PLPPR1: variants seen among roughly 807,000 people sequenced by gnomAD.
The protein encoded by PLPPR1 is phospholipid phosphatase related 1.
A neutral mutation model predicts 33.1 loss-of-function variants in PLPPR1; 10 were observed. The observed-to-expected ratio is 0.30, with a 90% CI of 0.19 to 0.51. PLPPR1 has a LOEUF of 0.51. Ranked by LOEUF, PLPPR1 falls within the 20% of genes least tolerant of loss-of-function variation. The pLI is 0.97. For missense variants in PLPPR1, 304 were observed against 408.1 expected (o/e 0.74, Z 2.20); for synonymous variants, 151 against 151.0 (o/e 1.00, Z 0.00).
Position 101,309,326 on chromosome 9 carries a change from A to G in PLPPR1, c.501A>G (p.Ala167=). ...LTVCKPNYTS[A]DCQAHHQFIN... ...TGTGCAAGCCAAACTACACCAGTGC[A>G]GACTGCCAAGCGCACCACCAGTTTA... The change falls in exon 5 of 8, where the codon GCA becomes GCG. Residue 167 remains alanine (A), a synonymous_variant. Transcript: ENST00000374874. 1 of 1,614,194 alleles carries G rather than the reference A, an allele frequency of 6.2e-7. No homozygotes were observed. The highest frequency in any genetic ancestry group is 8.5e-7 in the Non-Finnish European group (1 of 1,180,036).
intron 1 of PLPPR1, among the ~76,000 whole-genome samples, chr9:101,114,435 G>A (rs1831095098): frequency 6.6e-6 from 1 of 152,178 alleles, no homozygotes. Context: ...AAATAGATAT[G>A]GCTGTGTGGA....
intron 1 of PLPPR1, chr9:101,125,837 A>T (rs949511665): frequency 5.0e-6 from 3 of 604,014 alleles, no homozygotes. Context: ...TTTGTTTTCC[A>T]CCAATGTAGT....
chr9:101,138,092 T>C (rs1012366991), intron 1 of PLPPR1, among the ~76,000 whole-genome samples: 59 of 152,218 alleles, frequency 3.9e-4, no homozygotes, highest in African/African-American at 1.4e-3. Context: ...CATCCAGTCA[T>C]TAAGACAGCT....
chr9:101,030,170 G>A (rs1244329920), intron 1 of PLPPR1, among the ~76,000 whole-genome samples: 1 of 151,900 alleles, frequency 6.6e-6, no homozygotes, highest in African/African-American at 2.4e-5. Flanking sequence ...TGCACCCGCT[G>A]CACCCGGGAA....
chr9:101,044,785 T>C (rs776330773), intron 1 of PLPPR1, among the ~76,000 whole-genome samples: 78 of 152,194 alleles, frequency 5.1e-4, no homozygotes, highest in Admixed American at 6.5e-4. Flanking sequence ...CAGATGTGTT[T>C]CTCTTTGATG....
At chr9:101,315,862 C>T (rs1220756493) in intron 6 of PLPPR1, among the ~76,000 whole-genome samples, 1 of 152,104 alleles carries the variant, frequency 6.6e-6, no homozygotes, top group African/African-American at 2.4e-5. Flanking sequence ...TGTAAATGTT[C>T]AATAGTGCTT....
At chr9:101,248,724 C>T (rs913892136) in intron 2 of PLPPR1, among the ~76,000 whole-genome samples, 1 of 152,040 alleles carries the variant, frequency 6.6e-6, no homozygotes, top group African/African-American at 2.4e-5. Context: ...CAGCTTAATA[C>T]CTGTTCTTAT....
At chr9:101,210,208 A>G (rs896174123) in intron 2 of PLPPR1, among the ~76,000 whole-genome samples, 1 of 152,256 alleles carries the variant, frequency 6.6e-6, no homozygotes, top group South Asian at 2.1e-4. Flanking sequence ...CTTCTGGCTT[A>G]GTGAGGTATG....
At chr9:101,068,458 A>G (rs1292544435) in intron 1 of PLPPR1, among the ~76,000 whole-genome samples, 2 of 152,036 alleles carry the variant, frequency 1.3e-5, no homozygotes, top group African/African-American at 2.4e-5. Context: ...GGATTTATGA[A>G]TACATTTTCA....
At chr9:101,050,227 T>C (rs927425275) in intron 1 of PLPPR1, among the ~76,000 whole-genome samples, 2 of 151,402 alleles carry the variant, frequency 1.3e-5, no homozygotes, top group African/African-American at 4.9e-5. Flanking sequence ...TTCCAGAAAA[T>C]TCCAAGATCT....
chr9:101,092,286 C>A (rs537859921), intron 1 of PLPPR1, among the ~76,000 whole-genome samples: 2 of 152,142 alleles, frequency 1.3e-5, no homozygotes, highest in African/African-American at 4.8e-5. Context: ...TATTTCAGAA[C>A]CTATTAATTT....
At chr9:101,265,170 C>T (rs1248695223) in intron 2 of PLPPR1, among the ~76,000 whole-genome samples, 4 of 152,222 alleles carry the variant, frequency 2.6e-5, no homozygotes, top group African/African-American at 9.6e-5. Context: ...TTGGTAGAAA[C>T]ACAGTGCTTT....
chr9:101,310,717 G>T (rs1828938611), intron 5 of PLPPR1, among the ~76,000 whole-genome samples: 1 of 152,092 alleles, frequency 6.6e-6, no homozygotes. Context: ...TGTGACTATG[G>T]GTCTGATCTA....
chr9:101,245,801 C>A (rs1827585283), intron 2 of PLPPR1, among the ~76,000 whole-genome samples: 1 of 151,458 alleles, frequency 6.6e-6, no homozygotes, highest in Non-Finnish European at 1.5e-5. Flanking sequence ...GTCCCATGAG[C>A]CAAAGAACTA....
At chr9:101,236,826 A>C (rs1827310374) in intron 2 of PLPPR1, among the ~76,000 whole-genome samples, 1 of 151,808 alleles carries the variant, frequency 6.6e-6, no homozygotes, top group Admixed American at 6.6e-5. Flanking sequence ...TAACAAAACC[A>C]AAAACAGACA....
intron 1 of PLPPR1, among the ~76,000 whole-genome samples, chr9:101,161,803 G>T: frequency 6.6e-6 from 1 of 152,056 alleles, no homozygotes; most frequent in Non-Finnish European, 1.5e-5. Context: ...CTAAGCATAG[G>T]TTGGGTACTT....
chr9:101,237,954 T>TACAC (rs1168931221), intron 2 of PLPPR1, among the ~76,000 whole-genome samples: 1 of 127,578 alleles, frequency 7.8e-6, no homozygotes, highest in Non-Finnish European at 1.6e-5. Flanking sequence ...TATATATATA[T>TACAC]ACACACACAC....
intron 1 of PLPPR1, among the ~76,000 whole-genome samples, chr9:101,100,784 C>T (rs750905885): frequency 6.7e-6 from 1 of 149,424 alleles, no homozygotes; most frequent in African/African-American, 2.5e-5. Context: ...AGGTATTTCC[C>T]CAGGTTCTTT....
At chr9:101,137,311 G>T (rs1181823670) in intron 1 of PLPPR1, among the ~76,000 whole-genome samples, 2 of 152,174 alleles carry the variant, frequency 1.3e-5, no homozygotes, top group African/African-American at 4.8e-5. Context: ...CACTATGCTG[G>T]TTTTCACTGC....
Sources: allele counts gnomAD v4.1 joint callset (sites outside exome capture counted in the v4.1 genomes callset), GRCh38; gene constraint gnomAD v4.1.1; transcripts MANE v1.5; gene names NCBI Gene and HGNC (gene_info 2026-07-23, HGNC 2026-07-21).